TSPAN5: variants seen among roughly 807,000 people sequenced by gnomAD.
TSPAN5 encodes the protein tetraspanin-5.
A neutral mutation model predicts 37.1 loss-of-function variants in TSPAN5; 10 were observed. That is an observed-to-expected ratio of 0.27 (90% CI 0.17 to 0.46). The LOEUF (loss-of-function observed/expected upper bound fraction) is 0.46, where lower values mean the gene tolerates loss of function less well. Among genes scored for constraint, TSPAN5 ranks in the 20% least tolerant of loss-of-function variants. The pLI is 1.00. For synonymous variants in TSPAN5, 110 were observed against 118.9 expected (o/e 0.93, Z 0.48); for missense variants, 195 against 326.6 (o/e 0.60, Z 3.11).
At chr4:98,480,810 C>T (rs944784693) in intron 4 of TSPAN5, among the ~76,000 whole-genome samples, 8 of 152,064 alleles carry the variant, frequency 5.3e-5, no homozygotes, top group African/African-American at 1.7e-4. Flanking sequence ...ACAGTGAAGT[C>T]GGCTGAGGAC....
intron 1 of TSPAN5, among the ~76,000 whole-genome samples, chr4:98,654,498 G>A (rs538473578): frequency 6.6e-6 from 1 of 152,218 alleles, no homozygotes; most frequent in South Asian, 2.1e-4. Flanking sequence ...GCAGTCTCAG[G>A]GTTTTCTGAG....
chr4:98,486,781 C>T lies in TSPAN5; in HGVS notation c.236G>A (p.Gly79Glu). 6.2e-7 allele frequency: 1 copy of T among 1,613,856 alleles called. No individual in the cohort carries two copies. The highest frequency in any genetic ancestry group is 1.6e-4 in the Middle Eastern group (1 of 6,062). Residue 79 changes from glycine to glutamate, a missense_variant, in exon 3 of 8, where the codon GGG becomes GAG. Gly to Glu is a moderately conservative substitution (Grantham distance 98). Coordinates refer to ENST00000305798, the MANE Select transcript of TSPAN5 (RefSeq NM_005723.4). ...GGVMFILGFA[G>E]CIGALRENTF... Reference sequence around the variant, plus strand: ...GTTTTCCCGTAGCGCTCCAATGCACCCTGCAAATCCCAAAATGAACATCAC... The same window carrying T: ...GTTTTCCCGTAGCGCTCCAATGCACTCTGCAAATCCCAAAATGAACATCAC...
rs1752607438 is a variant in TSPAN5 at position 98,472,378 on chromosome 4, C to T, written c.*144G>A. The T allele has an allele frequency of 1.8e-6, 1 of 553,372 alleles. No individual in the cohort carries two copies. The highest frequency in any genetic ancestry group is 3.1e-6 in the Non-Finnish European group (1 of 323,468). The allele number at this position is 553,372 out of a possible 1,614,324, so 34.3% of individuals were successfully genotyped here. A position where few individuals can be genotyped will look rare whatever the true frequency, so the allele number is the denominator to read the frequency against. ...CAGTGAGCAGCATTTCCCAGTTTTA[C>T]ACTCCCCTAATGGCAGCTCCATTAG... On this transcript the variant is annotated 3_prime_UTR_variant, in exon 8 of 8. Coordinates refer to ENST00000305798, the MANE Select transcript of TSPAN5 (RefSeq NM_005723.4).
chr4:98,651,584 A>G (rs1433153307), intron 1 of TSPAN5, among the ~76,000 whole-genome samples: 1 of 152,224 alleles, frequency 6.6e-6, no homozygotes. Flanking sequence ...CTCAAACAGG[A>G]TAAAAACAGG....
chr4:98,584,156 G>C (rs774292165), intron 1 of TSPAN5, among the ~76,000 whole-genome samples: 5 of 152,124 alleles, frequency 3.3e-5, no homozygotes, highest in African/African-American at 1.2e-4. Flanking sequence ...ACCCAGGCTG[G>C]AGTCTAGCTC....
chr4:98,511,079 G>A (rs1753594968), intron 1 of TSPAN5, among the ~76,000 whole-genome samples: 1 of 152,102 alleles, frequency 6.6e-6, no homozygotes, highest in Non-Finnish European at 1.5e-5. Flanking sequence ...TAGCTGAGAA[G>A]TCTTAAAGTC....
At chr4:98,607,654 TGTATTTAGA>T (rs1756070334) in intron 1 of TSPAN5, among the ~76,000 whole-genome samples, 1 of 149,678 alleles carries the variant, frequency 6.7e-6, no homozygotes, top group Admixed American at 6.7e-5. Flanking sequence ...GCTTTTTGCC[TGTATTTAGA>T]GTACACAGTT....
intron 1 of TSPAN5, among the ~76,000 whole-genome samples, chr4:98,606,623 G>A (rs79867535): frequency 0.013 from 1,952 of 152,144 alleles, 38 homozygotes; most frequent in African/African-American, 0.044. Flanking sequence ...TTTCCAAAAC[G>A]ACAAAAAAGC....
intron 3 of TSPAN5, chr4:98,483,109 TTAAAA>T (rs1752884908): frequency 6.6e-6 from 1 of 152,186 alleles, no homozygotes; most frequent in Non-Finnish European, 1.5e-5. Context: ...AACTTTGTTG[TTAAAA>T]TAGATTATGA....
At chr4:98,632,333 A>G (rs1471734779) in intron 1 of TSPAN5, among the ~76,000 whole-genome samples, 1 of 152,160 alleles carries the variant, frequency 6.6e-6, no homozygotes, top group Non-Finnish European at 1.5e-5. Flanking sequence ...AAATTCAGCA[A>G]CAGCTCCCCT....
chr4:98,645,357 G>A (rs1031936872), intron 1 of TSPAN5, among the ~76,000 whole-genome samples: 1 of 152,122 alleles, frequency 6.6e-6, no homozygotes, highest in African/African-American at 2.4e-5. Flanking sequence ...ATGTATTTAA[G>A]ATTAAAATCA....
chr4:98,655,806 T>C (rs758742730), intron 1 of TSPAN5, among the ~76,000 whole-genome samples: 1 of 152,172 alleles, frequency 6.6e-6, no homozygotes, highest in Non-Finnish European at 1.5e-5. Flanking sequence ...CAAAACCATA[T>C]GGTTGCCTTT....
chr4:98,482,954 G>A (rs1311852652), intron 3 of TSPAN5: 1 of 152,110 alleles, frequency 6.6e-6, no homozygotes, highest in East Asian at 1.9e-4. Flanking sequence ...AAGACCATGA[G>A]GCAACGTGGT....
At chr4:98,546,696 A>G (rs1344233770) in intron 1 of TSPAN5, among the ~76,000 whole-genome samples, 17 of 151,570 alleles carry the variant, frequency 1.1e-4, no homozygotes, top group South Asian at 1.0e-3. Context: ...TGAGGTGGGG[A>G]GAGAGAGAGA....
At chr4:98,542,977 A>C (rs1754392998) in intron 1 of TSPAN5, among the ~76,000 whole-genome samples, 1 of 152,160 alleles carries the variant, frequency 6.6e-6, no homozygotes, top group African/African-American at 2.4e-5. Flanking sequence ...CAAGAAAAAG[A>C]CCTTGGGCCT....
chr4:98,595,681 A>G lies in TSPAN5; in HGVS notation c.81+62465T>C, dbSNP rs1295508764. Among the ~76,000 whole-genome samples the G allele has an allele frequency of 2.3e-5, 3 of 128,154 alleles. 1 individual carries two copies. Among genetic ancestry groups the G allele is most frequent in the Non-Finnish European group, 4.7e-5 (3 of 63,654 alleles). The allele number at this position is 128,154 out of a possible 152,430, so 84.1% of individuals were successfully genotyped here. A position where few individuals can be genotyped will look rare whatever the true frequency, so the allele number is the denominator to read the frequency against. On this transcript the variant is annotated intron_variant, in intron 1 of 7. Transcript: ENST00000305798. ...GAAGAACATCTTTATTTCTGCCTTC[A>G]TTTCGTTATGTACCCAGTAGTCATT...
chr4:98,470,635 G>A lies in TSPAN5; in HGVS notation c.*1887C>T, dbSNP rs1164858249. On this transcript the variant is annotated 3_prime_UTR_variant, in exon 8 of 8. Coordinates refer to ENST00000305798, the MANE Select transcript of TSPAN5 (RefSeq NM_005723.4). ...CCATGTTGGAAGGACATTACAAAAT[G>A]GCAACTGTGGTGGGGGCAGAGATGA... 6.6e-6 allele frequency: 1 copy of A among 152,164 alleles called. No homozygotes were observed. Among genetic ancestry groups the A allele is most frequent in the Admixed American group, 6.5e-5 (1 of 15,282 alleles). The allele number at this position is 152,164 out of a possible 1,614,324, so 9.4% of individuals were successfully genotyped here.
chr4:98,565,746 T>A (rs1358271632), intron 1 of TSPAN5, among the ~76,000 whole-genome samples: 1 of 152,128 alleles, frequency 6.6e-6, no homozygotes, highest in Non-Finnish European at 1.5e-5. Flanking sequence ...CATAAGTAGA[T>A]CACAGCTGCC....
chr4:98,546,301 T>C (rs1003713314), intron 1 of TSPAN5, among the ~76,000 whole-genome samples: 1 of 152,194 alleles, frequency 6.6e-6, no homozygotes, highest in African/African-American at 2.4e-5. Context: ...TTGGTTCTGC[T>C]GTACCACATA....
Sources: gnomAD v4.1 joint callset for allele counts (sites outside exome capture counted in the v4.1 genomes callset) on GRCh38, gnomAD v4.1.1 for gene constraint, MANE v1.5 for transcripts, NCBI Gene and HGNC (gene_info 2026-07-23, HGNC 2026-07-21) for gene names.